Variants in GSR observed in about 807,000 individuals in gnomAD.
GSR encodes glutathione reductase, mitochondrial.
GSR carries 48 observed loss-of-function variants against 56.5 expected under a neutral mutation model. The ratio of observed to expected loss-of-function variants is 0.85; its 90% CI spans 0.67 to 1.08. The LOEUF (loss-of-function observed/expected upper bound fraction) is 1.08. GSR is among the 50% of genes least tolerant of loss of function. The pLI, the probability that GSR is intolerant of heterozygous loss-of-function variation, is 0.00. For missense variants in GSR, 694 were observed against 703.3 expected (o/e 0.99, Z 0.15); for synonymous variants, 264 against 270.8 (o/e 0.97, Z 0.25).
chr8:30,706,181 A>G (rs1487593765), intron 4 of GSR, among the ~76,000 whole-genome samples: 1 of 151,672 alleles, frequency 6.6e-6, no homozygotes, highest in Non-Finnish European at 1.5e-5. Flanking sequence ...TTTCAAAAAA[A>G]AAAAAAAAAG....
At chr8:30,690,090 T>C (rs1176595733) in intron 8 of GSR, among the ~76,000 whole-genome samples, 1 of 143,618 alleles carries the variant, frequency 7.0e-6, no homozygotes, top group Non-Finnish European at 1.5e-5. Flanking sequence ...AAAATATAAA[T>C]ATATAAATAA....
At chr8:30,710,760 GA>G (rs1232021953) in intron 2 of GSR, among the ~76,000 whole-genome samples, 96 of 63,068 alleles carry the variant, frequency 1.5e-3, no homozygotes, top group African/African-American at 6.6e-3. Flanking sequence ...AGAAAAAAAA[GA>G]AAAAAAAATA....
At chr8:30,702,410 A>G (rs1386467651) in intron 5 of GSR, among the ~76,000 whole-genome samples, 2 of 152,188 alleles carry the variant, frequency 1.3e-5, no homozygotes, top group Non-Finnish European at 2.9e-5. Context: ...AATCTTCTAT[A>G]AGTCTCTACT....
intron 5 of GSR, among the ~76,000 whole-genome samples, chr8:30,701,051 ATCTC>A (rs1803721808): frequency 6.6e-6 from 1 of 152,062 alleles, no homozygotes; most frequent in South Asian, 2.1e-4. Flanking sequence ...TCCAACCCAT[ATCTC>A]TCTCAAGTTT....
Position 30,696,403 on chromosome 8 carries a change from A to T in GSR, c.772T>A (p.Ser258Thr), listed in dbSNP as rs368906548. ...ACCTTATCATGCCGTATCATCAGTG[A>T]TGTCTTAGAACCCAGGGCTGACAGG... Reference protein sequence around the residue: ...GILSALGSKTSLMIRHDKVLR... With the variant: ...GILSALGSKTTLMIRHDKVLR... Residue 258 changes from serine to threonine, a missense_variant, in exon 7 of 13, where the codon TCA becomes ACA. Physicochemically the swap from Ser to Thr is moderately conservative, Grantham distance 58 (BLOSUM62 1). Coordinates refer to ENST00000221130, the MANE Select transcript of GSR (RefSeq NM_000637.5). 1.9e-6 allele frequency: 3 copies of T among 1,606,542 alleles called. No individual in the cohort carries two copies. The highest frequency in any genetic ancestry group is 2.6e-6 in the Non-Finnish European group (3 of 1,173,164).
intron 6 of GSR, 113 bp from the exon 7 acceptor site, chr8:30,696,592 A>T (rs1803552055): frequency 1.3e-6 from 1 of 751,842 alleles, no homozygotes. Flanking sequence ...ATACCCCTTG[A>T]TCAGTTTTCC....
chr8:30,698,691 A>G (rs959668873), intron 6 of GSR, among the ~76,000 whole-genome samples: 3 of 152,214 alleles, frequency 2.0e-5, no homozygotes, highest in African/African-American at 7.2e-5. Flanking sequence ...AGATAGGCTC[A>G]TGGACTATGA....
chr8:30,684,371 C>G (rs532166385), intron 9 of GSR, among the ~76,000 whole-genome samples, 172 bp from the exon 10 acceptor site: 1 of 152,240 alleles, frequency 6.6e-6, no homozygotes, highest in Admixed American at 6.6e-5. Context: ...AAGTTTCAAG[C>G]TGGGTACAGT....
chr8:30,692,571 G>T (rs1298524402), intron 8 of GSR, among the ~76,000 whole-genome samples: 2 of 131,186 alleles, frequency 1.5e-5, no homozygotes, highest in African/African-American at 2.9e-5. Context: ...GCACAATCTC[G>T]GCTCACTGCA....
intron 8 of GSR, among the ~76,000 whole-genome samples, chr8:30,692,354 G>A (rs1235919836): frequency 6.6e-6 from 1 of 150,756 alleles, no homozygotes; most frequent in Non-Finnish European, 1.5e-5. Flanking sequence ...GCGCCACCAC[G>A]CCCAGCTAAT....
intron 9 of GSR, among the ~76,000 whole-genome samples, chr8:30,685,192 C>T (rs1333189370): frequency 1.3e-5 from 2 of 152,004 alleles, no homozygotes; most frequent in Non-Finnish European, 2.9e-5. Context: ...GATCTCCTGA[C>T]CTCGTGATCC....
chr8:30,709,532 G>T (rs1392241469), intron 3 of GSR, among the ~76,000 whole-genome samples: 3 of 152,182 alleles, frequency 2.0e-5, no homozygotes, highest in Non-Finnish European at 2.9e-5. Flanking sequence ...GAGGTTCCCA[G>T]GGGCCAGGGG....
At chr8:30,686,319 A>G (rs1224183038) in intron 9 of GSR, among the ~76,000 whole-genome samples, 1 of 151,836 alleles carries the variant, frequency 6.6e-6, no homozygotes, top group Admixed American at 6.6e-5. Flanking sequence ...TAATCACTCA[A>G]TTTGCATTAT....
At chr8:30,686,701 C>A (rs887895824) in intron 9 of GSR, among the ~76,000 whole-genome samples, 3 of 151,734 alleles carry the variant, frequency 2.0e-5, no homozygotes, top group African/African-American at 7.3e-5. Context: ...TCCAACCCCC[C>A]CAAAAAAAGT....
At chr8:30,690,158 ATATTTATTTATT>A (rs372406720) in intron 8 of GSR, among the ~76,000 whole-genome samples, 18 of 138,754 alleles carry the variant, frequency 1.3e-4, no homozygotes, top group Non-Finnish European at 2.4e-4. Context: ...ATAAAATAAT[ATATTTATTTATT>A]TATTTATTTA....
intron 9 of GSR, among the ~76,000 whole-genome samples, chr8:30,685,725 T>C (rs1030782388): frequency 6.6e-6 from 1 of 151,988 alleles, no homozygotes; most frequent in Non-Finnish European, 1.5e-5. Context: ...CTGTAAATCC[T>C]AGCACTTCGG....
At chr8:30,691,959 G>C (rs1367057955) in intron 8 of GSR, among the ~76,000 whole-genome samples, 2 of 151,716 alleles carry the variant, frequency 1.3e-5, no homozygotes, top group East Asian at 2.0e-4. Flanking sequence ...AAATTAGCCA[G>C]GCGTGGTGGC....
rs1467989223 is a variant in GSR at position 30,678,648 on chromosome 8, C to T, written c.*872G>A. 1 of 151,902 alleles carries T rather than the reference C, an allele frequency of 6.6e-6. No individual in the cohort carries two copies. The highest frequency in any genetic ancestry group is 1.5e-5 in the Non-Finnish European group (1 of 68,020). 9.4% of individuals were successfully genotyped at this position (151,902 alleles called of 1,614,324 possible). ...AAGTGCTAGAATTACAGGCCTGAGCCACCGTGCCTTGCCACAAACTATTTT... is the reference window on the plus strand; with the variant it reads ...AAGTGCTAGAATTACAGGCCTGAGCTACCGTGCCTTGCCACAAACTATTTT... On this transcript the variant is annotated 3_prime_UTR_variant, in exon 13 of 13. Coordinates refer to ENST00000221130, the MANE Select transcript of GSR (RefSeq NM_000637.5).
In GSR at chr8:30,719,932, C is replaced by T. The variant is rs574770258; in HGVS notation, c.306+7598G>A. 3.3e-5 allele frequency among the ~76,000 whole-genome samples: 5 copies of T among 152,268 alleles called. No homozygotes were observed. The South Asian group carries it at 6.2e-4, about 19-fold the overall frequency. On this transcript the variant is annotated intron_variant, in intron 1 of 12. Transcript: ENST00000221130. ...ACTGTGTTCAATAGTGAACTTGCGG[C>T]TGGGTGTGGTGGCTCACGCTGTAAT...
Sources: gnomAD v4.1 joint callset for allele counts (sites outside exome capture counted in the v4.1 genomes callset) on GRCh38, gnomAD v4.1.1 for gene constraint, MANE v1.5 for transcripts, NCBI Gene and HGNC (gene_info 2026-07-23, HGNC 2026-07-21) for gene names.